AGBL4: variants seen among roughly 807,000 people sequenced by gnomAD.
AGBL4 encodes the protein AGBL carboxypeptidase 4, also known as cytosolic carboxypeptidase 6.
In AGBL4, 58 loss-of-function variants were observed where a neutral mutation model predicts 66.4. The observed-to-expected ratio is 0.87, with a 90% CI of 0.71 to 1.09. AGBL4 has a LOEUF of 1.09. AGBL4 is among the 50% of genes least tolerant of loss of function. The pLI is 0.00. For synonymous variants in AGBL4, 234 were observed against 222.9 expected (o/e 1.05, Z -0.44); for missense variants, 579 against 631.0 (o/e 0.92, Z 0.88).
chr1:49,005,398 C>T lies in AGBL4; in HGVS notation c.594+40186G>A, dbSNP rs3122297. Among the ~76,000 whole-genome samples, 524 of 152,266 alleles carry T rather than the reference C, an allele frequency of 3.4e-3. 4 individuals carry two copies. Among genetic ancestry groups the T allele is most frequent in the African/African-American group, 0.012 (500 of 41,544 alleles). ...AACATGGTGAAATCTCACACCATCC[C>T]TCTTCATCCCACTTCATCCCACATA... On this transcript the variant is annotated intron_variant, in intron 5 of 13. Transcript: ENST00000371839.
At chr1:49,315,849 G>A (rs1645030581) in intron 3 of AGBL4, among the ~76,000 whole-genome samples, 1 of 152,020 alleles carries the variant, frequency 6.6e-6, no homozygotes, top group Non-Finnish European at 1.5e-5. Context: ...GGCAAAACTT[G>A]GAAGCAACCA....
intron 6 of AGBL4, among the ~76,000 whole-genome samples, chr1:48,813,160 G>A (rs1043171033): frequency 6.6e-6 from 1 of 152,124 alleles, no homozygotes; most frequent in African/African-American, 2.4e-5. Context: ...GGAAGACAAG[G>A]GGGCTGTTGA....
Position 48,935,994 on chromosome 1 carries a change from A to AG in AGBL4, c.595-68765_595-68764insC, listed in dbSNP as rs1224142564. Among the ~76,000 whole-genome samples, 198 of 137,088 alleles carry AG rather than the reference A, an allele frequency of 1.4e-3. 6 individuals carry two copies. The highest frequency in any genetic ancestry group is 2.7e-3 in the Non-Finnish European group (171 of 63,364). 89.9% of individuals were successfully genotyped at this position (137,088 alleles called of 152,430 possible). On this transcript the variant is annotated intron_variant, in intron 5 of 13. Transcript: ENST00000371839. ...AAAAAAAAAAAAAAAAAAAAAAAAAAAGATACAAGATGGCTGGGTGTGGTG... is the reference window on the plus strand; with the variant it reads ...AAAAAAAAAAAAAAAAAAAAAAAAAAGAGATACAAGATGGCTGGGTGTGGTG...
At chr1:49,262,823 A>G (rs1210802346) in intron 3 of AGBL4, among the ~76,000 whole-genome samples, 4 of 152,244 alleles carry the variant, frequency 2.6e-5, no homozygotes, top group African/African-American at 9.6e-5. Context: ...CCAAAGGACT[A>G]TAAATCATGC....
chr1:49,761,097 T>A (rs1001955034), intron 2 of AGBL4, among the ~76,000 whole-genome samples: 1 of 148,908 alleles, frequency 6.7e-6, no homozygotes. Flanking sequence ...CGTATACCTA[T>A]GTAACAAACC....
intron 3 of AGBL4, among the ~76,000 whole-genome samples, chr1:49,693,795 C>T (rs1435577877): frequency 6.6e-6 from 1 of 152,092 alleles, no homozygotes; most frequent in Non-Finnish European, 1.5e-5. Flanking sequence ...GAACTTTTAG[C>T]ATATTTAAAT....
At chr1:49,827,681 T>A (rs1430266011) in intron 2 of AGBL4, among the ~76,000 whole-genome samples, 1 of 152,220 alleles carries the variant, frequency 6.6e-6, no homozygotes, top group Non-Finnish European at 1.5e-5. Context: ...TCATTTGACA[T>A]CCAAACTTAT....
intron 2 of AGBL4, among the ~76,000 whole-genome samples, chr1:49,733,342 C>T (rs546685438): frequency 2.6e-5 from 4 of 152,220 alleles, no homozygotes; most frequent in East Asian, 3.9e-4. Flanking sequence ...CAGTAAGAAA[C>T]GAAGAACAAC....
chr1:48,675,475 C>T (rs1483397743), intron 6 of AGBL4, among the ~76,000 whole-genome samples: 3 of 152,276 alleles, frequency 2.0e-5, no homozygotes, highest in South Asian at 2.1e-4. Flanking sequence ...GCCTCATCAA[C>T]GTGGCTGAAA....
intron 3 of AGBL4, among the ~76,000 whole-genome samples, chr1:49,549,003 T>C (rs1282985294): frequency 6.6e-6 from 1 of 151,982 alleles, no homozygotes; most frequent in African/African-American, 2.4e-5. Flanking sequence ...AAGCTAGGAG[T>C]GTTGCATCTT....
chr1:49,870,544 G>A (rs920427243), intron 1 of AGBL4, among the ~76,000 whole-genome samples: 4 of 150,254 alleles, frequency 2.7e-5, no homozygotes, highest in African/African-American at 4.9e-5. Context: ...AAAACATCTC[G>A]TGTGCCCCCA....
At chr1:49,617,640 C>T (rs1336419478) in intron 3 of AGBL4, among the ~76,000 whole-genome samples, 1 of 152,144 alleles carries the variant, frequency 6.6e-6, no homozygotes, top group Non-Finnish European at 1.5e-5. Context: ...GCCAATAGTG[C>T]CCTTATCATA....
intron 3 of AGBL4, among the ~76,000 whole-genome samples, chr1:49,344,490 C>T (rs1557856846): frequency 6.6e-6 from 1 of 152,006 alleles, no homozygotes; most frequent in East Asian, 1.9e-4. Flanking sequence ...TTTGAGCAAG[C>T]TGTGGAAGGT....
chr1:49,697,489 A>C, intron 2 of AGBL4, 52 bp from the exon 3 acceptor site: 28 of 1,362,350 alleles, frequency 2.1e-5, no homozygotes, highest in African/African-American at 2.9e-5. Context: ...CATGCAGCTC[A>C]ATGGTACACA....
intron 3 of AGBL4, among the ~76,000 whole-genome samples, chr1:49,465,471 T>C (rs995370163): frequency 6.6e-6 from 1 of 151,824 alleles, no homozygotes; most frequent in Non-Finnish European, 1.5e-5. Context: ...TAAAGTGATA[T>C]AGAATCTGTC....
chr1:49,642,097 G>T (rs1192860642), intron 3 of AGBL4, among the ~76,000 whole-genome samples: 1 of 151,702 alleles, frequency 6.6e-6, no homozygotes, highest in Non-Finnish European at 1.5e-5. Flanking sequence ...CTTGTAATAT[G>T]GTTCTCAAAG....
intron 3 of AGBL4, among the ~76,000 whole-genome samples, chr1:49,565,412 A>T (rs1348238651): frequency 1.3e-5 from 2 of 152,060 alleles, no homozygotes; most frequent in East Asian, 3.9e-4. Context: ...TGGTCTTTAC[A>T]ATTTGGCATG....
rs373768775 is a variant in AGBL4 at position 49,496,785 on chromosome 1, T to C, written c.282+200528A>G. On this transcript the variant is annotated intron_variant, in intron 3 of 13. Transcript: ENST00000371839. ...TCATTCATCGGCTGATAGATACTTA[T>C]GTTGATTCTATATCTTGAATATTGT... 5.3e-5 allele frequency among the ~76,000 whole-genome samples: 8 copies of C among 151,882 alleles called. No homozygotes were observed. The East Asian group carries it at 1.4e-3, about 26-fold the overall frequency.
chr1:48,943,748 T>C (rs939443492), intron 5 of AGBL4, among the ~76,000 whole-genome samples: 7 of 149,080 alleles, frequency 4.7e-5, no homozygotes, highest in African/African-American at 1.8e-4. Context: ...TAACGGAGTC[T>C]GGGTGGTTGT....
Sources: allele counts gnomAD v4.1 joint callset (sites outside exome capture counted in the v4.1 genomes callset), GRCh38; gene constraint gnomAD v4.1.1; transcripts MANE v1.5; gene names NCBI Gene and HGNC (gene_info 2026-07-23, HGNC 2026-07-21).